The following EMSY variants were observed in gnomAD, a reference collection of about 807,000 sequenced individuals.
The protein encoded by EMSY is EMSY transcriptional repressor, BRCA2 interacting.
In EMSY, 26 loss-of-function variants were observed where a neutral mutation model predicts 134.6. The ratio of observed to expected loss-of-function variants is 0.19; its 90% CI spans 0.14 to 0.27. The LOEUF is 0.27. Among genes scored for constraint, EMSY ranks in the 10% least tolerant of loss-of-function variants. The probability of loss-of-function intolerance (pLI) is 1.00; values close to 1 mark genes in which losing one functional copy is unlikely to be tolerated. For synonymous variants in EMSY, 579 were observed against 577.8 expected (o/e 1.00, Z -0.03); for missense variants, 1,305 against 1,611.4 (o/e 0.81, Z 3.26).
At chr11:76,466,989 T>G (rs774682277) in intron 7 of EMSY, among the ~76,000 whole-genome samples, 5 of 152,026 alleles carry the variant, frequency 3.3e-5, no homozygotes, top group Non-Finnish European at 7.4e-5. Context: ...GAGTGTAGAG[T>G]TTTGTTTATT....
chr11:76,505,755 G>A (rs1412834930), intron 9 of EMSY, among the ~76,000 whole-genome samples: 2 of 152,038 alleles, frequency 1.3e-5, no homozygotes, highest in Non-Finnish European at 2.9e-5. Context: ...TACTTGGGAG[G>A]CTGAGGCAGG....
intron 8 of EMSY, among the ~76,000 whole-genome samples, chr11:76,483,344 A>G (rs537771658): frequency 6.6e-6 from 1 of 152,352 alleles, no homozygotes; most frequent in Admixed American, 6.5e-5. Flanking sequence ...AACTGTATCA[A>G]CTAATGGACA....
At chr11:76,547,931 T>G (rs1951711976) in intron 20 of EMSY, among the ~76,000 whole-genome samples, 1 of 152,186 alleles carries the variant, frequency 6.6e-6, no homozygotes, top group African/African-American at 2.4e-5. Context: ...AGCAGAGTGA[T>G]TAACAACCAA....
chr11:76,546,101 T>C, exon 20 of EMSY: 1 of 1,614,182 alleles, frequency 6.2e-7, no homozygotes, highest in Non-Finnish European at 8.5e-7. Context: ...ACCCACATGG[T>C]GGTGGCAGGG....
intron 7 of EMSY, among the ~76,000 whole-genome samples, chr11:76,466,867 T>A (rs2135242727): frequency 6.6e-6 from 1 of 152,336 alleles, no homozygotes; most frequent in East Asian, 1.9e-4. Flanking sequence ...GAGATGAGAA[T>A]GATGTCATCT....
chr11:76,451,956 A>G lies in EMSY; in HGVS notation c.169A>G (p.Ser57Gly), dbSNP rs575920842. 3 of 1,554,762 alleles carry G rather than the reference A, an allele frequency of 1.9e-6. No homozygotes were observed. The African/African-American group carries it at 4.2e-5, about 22-fold the overall frequency. ...TCTTGGAGAACTATCAAAAGTTCTT[A>G]GGTAAATTATTGTAAATGTTTGTGA... Residue 57 changes from serine to glycine, a missense_variant and splice_region_variant, in exon 3 of 21, where the codon AGC becomes GGC. Coordinates refer to ENST00000334736, the Ensembl canonical transcript of EMSY.
At chr11:76,537,734 A>C (rs1376682939) in intron 15 of EMSY, 61 bp from the exon 17 acceptor site, 3 of 1,435,230 alleles carry the variant, frequency 2.1e-6, no homozygotes, top group Middle Eastern at 1.8e-4. Context: ...CCTGTGGACA[A>C]CTCTGGTTTT....
At chr11:76,537,737 C>A in intron 15 of EMSY, 58 bp from the exon 17 acceptor site, 1 of 1,457,532 alleles carries the variant, frequency 6.9e-7, no homozygotes, top group South Asian at 1.3e-5. Flanking sequence ...GTGGACAACT[C>A]TGGTTTTGGT....
intron 2 of EMSY, among the ~76,000 whole-genome samples, chr11:76,449,525 T>C (rs1947564956): frequency 6.6e-6 from 1 of 152,222 alleles, no homozygotes; most frequent in Non-Finnish European, 1.5e-5. Flanking sequence ...TGTCAACTTC[T>C]TTTTCATTTT....
At position 76,535,890 on chromosome 11, in the gene EMSY, A is replaced by G. The variant is rs2136534928; in HGVS notation, c.2195-5A>G. 1.3e-6 allele frequency: 2 copies of G among 1,489,736 alleles called. No individual in the cohort carries two copies. Among genetic ancestry groups the G allele is most frequent in the African/African-American group, 1.4e-5 (1 of 70,290 alleles). The allele number at this position is 1,489,736 out of a possible 1,614,324, so 92.3% of individuals were successfully genotyped here. A position where few individuals can be genotyped will look rare whatever the true frequency, so the allele number is the denominator to read the frequency against. On this transcript the variant is annotated splice_polypyrimidine_tract_variant and splice_region_variant and intron_variant, in intron 14 of 20. Transcript: ENST00000334736. ...GTTTGTTTTTTTTTAACTAATATAAAACAGATTCCCAGCCTGTAGTTCATG... is the reference window on the plus strand; with the variant it reads ...GTTTGTTTTTTTTTAACTAATATAAGACAGATTCCCAGCCTGTAGTTCATG...
At chr11:76,496,286 A>G in exon 9 of EMSY, 2 of 1,614,114 alleles carry the variant, frequency 1.2e-6, no homozygotes, top group Non-Finnish European at 1.7e-6. Flanking sequence ...GAGTGCCCCA[A>G]CTCAGATTCT....
intron 4 of EMSY, 60 bp downstream of exon 4, chr11:76,453,448 A>G (rs769835811): frequency 4.1e-5 from 60 of 1,468,560 alleles, no homozygotes; most frequent in Non-Finnish European, 5.3e-5. Context: ...CAGTTTTGAA[A>G]CAGTCTTCCT....
intron 9 of EMSY, among the ~76,000 whole-genome samples, chr11:76,503,945 C>T (rs913195516): frequency 2.6e-5 from 4 of 151,642 alleles, no homozygotes; most frequent in South Asian, 2.1e-4. Flanking sequence ...CCATCACGCC[C>T]GGCTAATTTT....
At chr11:76,513,676 C>T (rs1950353116) in intron 10 of EMSY, 141 bp downstream of exon 11, 1 of 786,766 alleles carries the variant, frequency 1.3e-6, no homozygotes, top group Non-Finnish European at 1.9e-6. Context: ...TTCTCACACC[C>T]CTACTGACTG....
At chr11:76,506,107 G>A (rs915821810) in intron 9 of EMSY, among the ~76,000 whole-genome samples, 5 of 151,978 alleles carry the variant, frequency 3.3e-5, no homozygotes, top group Admixed American at 1.3e-4. Context: ...GCAATAGAGC[G>A]AGACCTTGTC....
At chr11:76,463,044 G>A (rs1338502933) in intron 6 of EMSY, among the ~76,000 whole-genome samples, 1 of 152,154 alleles carries the variant, frequency 6.6e-6, no homozygotes, top group African/African-American at 2.4e-5. Context: ...GGCCAGGCAC[G>A]GTGGCTCACG....
At chr11:76,465,317 C>T (rs766991081) in intron 7 of EMSY, among the ~76,000 whole-genome samples, 20 of 152,232 alleles carry the variant, frequency 1.3e-4, no homozygotes, top group Middle Eastern at 3.4e-3. Context: ...ATTCAGATCC[C>T]AGCTTTTGCC....
At chr11:76,534,246 C>T (rs1951145841) in intron 14 of EMSY, among the ~76,000 whole-genome samples, 1 of 152,024 alleles carries the variant, frequency 6.6e-6, no homozygotes, top group Non-Finnish European at 1.5e-5. Context: ...ATGAAAATTT[C>T]TTAAGTTTGA....
downstream of EMSY, chr11:76,551,701 T>TAAGTAATTTTTTA (rs1267056593): frequency 1.3e-5 from 2 of 152,188 alleles, no homozygotes; most frequent in African/African-American, 4.8e-5. Flanking sequence ...TGTTTCTAGT[T>TAAGTAATTTTTTA]AAGTAATTTT....
Sources: allele counts gnomAD v4.1 joint callset (sites outside exome capture counted in the v4.1 genomes callset), GRCh38; gene constraint gnomAD v4.1.1; transcripts MANE v1.5; gene names NCBI Gene and HGNC (gene_info 2026-07-23, HGNC 2026-07-21).